CNTN4: variants seen among roughly 807,000 people sequenced by gnomAD.
CNTN4 encodes the protein contactin 4.
In CNTN4, 77 loss-of-function variants were observed where a neutral mutation model predicts 122.5. That is an observed-to-expected ratio of 0.63 (90% CI 0.52 to 0.76). The LOEUF is 0.76. Ranked by LOEUF, CNTN4 falls within the 30% of genes least tolerant of loss-of-function variation. CNTN4 has a pLI of 0.00. For synonymous variants in CNTN4, 512 were observed against 447.0 expected (o/e 1.15, Z -1.83); for missense variants, 1,256 against 1,259.1 (o/e 1.00, Z 0.04).
chr3:2,406,814 A>G (rs2047055573), intron 3 of CNTN4, among the ~76,000 whole-genome samples: 1 of 152,136 alleles, frequency 6.6e-6, no homozygotes, highest in South Asian at 2.1e-4. Flanking sequence ...GTGTGGTTTT[A>G]CCAGTTAAAA....
intron 18 of CNTN4, 37 bp downstream of exon 18, chr3:3,037,365 C>T: frequency 6.2e-7 from 1 of 1,613,832 alleles, no homozygotes. Context: ...TCTGTTCTGC[C>T]AGCTGCTGTT....
intron 2 of CNTN4, among the ~76,000 whole-genome samples, chr3:2,211,158 G>A (rs1032618442): frequency 3.3e-5 from 5 of 152,126 alleles, no homozygotes; most frequent in African/African-American, 4.8e-5. Context: ...GTAGGAGCAG[G>A]CACATCATAT....
chr3:2,587,021 T>C (rs2149617251), intron 4 of CNTN4, among the ~76,000 whole-genome samples: 1 of 152,316 alleles, frequency 6.6e-6, no homozygotes, highest in Non-Finnish European at 1.5e-5. Context: ...TCTTCAAACA[T>C]GCCTTCAAAC....
intron 2 of CNTN4, among the ~76,000 whole-genome samples, chr3:2,169,678 T>A (rs936852891): frequency 6.6e-6 from 1 of 151,954 alleles, no homozygotes; most frequent in African/African-American, 2.4e-5. Context: ...ATTACAGGCG[T>A]GAGCCACCGC....
intron 10 of CNTN4, among the ~76,000 whole-genome samples, chr3:2,892,665 C>A (rs9840440): frequency 0.22 from 33,717 of 152,102 alleles, 4,079 homozygotes; most frequent in Middle Eastern, 0.34. Context: ...GTGTGAACTA[C>A]AAGAGCCTGA....
At chr3:3,049,222 A>G (rs1000620491) in intron 23 of CNTN4, among the ~76,000 whole-genome samples, 16 of 152,144 alleles carry the variant, frequency 1.1e-4, no homozygotes. Context: ...AGCTGAGACT[A>G]CAGGCGCCCA....
At chr3:2,177,524 G>A (rs1285775418) in intron 2 of CNTN4, among the ~76,000 whole-genome samples, 1 of 152,030 alleles carries the variant, frequency 6.6e-6, no homozygotes, top group Admixed American at 6.6e-5. Context: ...CAGCATGCCT[G>A]TGCTGTCTGT....
At chr3:2,649,850 T>G (rs564242215) in intron 4 of CNTN4, among the ~76,000 whole-genome samples, 1 of 151,898 alleles carries the variant, frequency 6.6e-6, no homozygotes, top group Non-Finnish European at 1.5e-5. Context: ...AATTTGTGGC[T>G]GGGCACGGTG....
chr3:2,980,257 T>G (rs548971022), intron 13 of CNTN4, among the ~76,000 whole-genome samples: 1 of 152,204 alleles, frequency 6.6e-6, no homozygotes, highest in Non-Finnish European at 1.5e-5. Context: ...CCTCTTTTCA[T>G]GTAGGGAAAA....
chr3:2,681,183 A>G (rs1415009869), intron 4 of CNTN4, among the ~76,000 whole-genome samples: 1 of 152,204 alleles, frequency 6.6e-6, no homozygotes, highest in Non-Finnish European at 1.5e-5. Context: ...ACAATACATA[A>G]ATATCTAATT....
chr3:2,978,583 T>C (rs1338569351), intron 13 of CNTN4, among the ~76,000 whole-genome samples: 1 of 152,222 alleles, frequency 6.6e-6, no homozygotes, highest in African/African-American at 2.4e-5. Context: ...CATACAATTA[T>C]TAGATTGTTA....
At chr3:2,158,400 C>A (rs1004102672) in intron 2 of CNTN4, among the ~76,000 whole-genome samples, 4 of 152,136 alleles carry the variant, frequency 2.6e-5, no homozygotes, top group African/African-American at 7.2e-5. Flanking sequence ...CAATTTCTTA[C>A]CATATGAATG....
intron 14 of CNTN4, among the ~76,000 whole-genome samples, chr3:2,994,061 C>T (rs1695300866): frequency 6.6e-6 from 1 of 152,098 alleles, no homozygotes; most frequent in Non-Finnish European, 1.5e-5. Context: ...CAGCTGGAAC[C>T]AGAATAGTAA....
chr3:2,213,507 C>A (rs1221652279), intron 2 of CNTN4, among the ~76,000 whole-genome samples: 8 of 152,178 alleles, frequency 5.3e-5, no homozygotes, highest in Admixed American at 3.9e-4. Context: ...GGAATGTGAT[C>A]TACACCTGTA....
intron 23 of CNTN4, among the ~76,000 whole-genome samples, chr3:3,045,849 G>T (rs553364517): frequency 6.6e-6 from 1 of 152,204 alleles, no homozygotes; most frequent in African/African-American, 2.4e-5. Flanking sequence ...GAGGAAGTTC[G>T]AACCCATCCC....
At chr3:2,607,769 A>G (rs2081321952) in intron 4 of CNTN4, among the ~76,000 whole-genome samples, 1 of 152,198 alleles carries the variant, frequency 6.6e-6, no homozygotes. Flanking sequence ...AAAAATAGAT[A>G]CATATGTTTT....
intron 2 of CNTN4, among the ~76,000 whole-genome samples, chr3:2,259,609 G>GA (rs1265402963): frequency 6.6e-6 from 1 of 152,192 alleles, no homozygotes; most frequent in Non-Finnish European, 1.5e-5. Context: ...AGGCAAGAGA[G>GA]AATGAGCGCC....
At chr3:2,627,172 T>A (rs2082223441) in intron 4 of CNTN4, among the ~76,000 whole-genome samples, 1 of 152,166 alleles carries the variant, frequency 6.6e-6, no homozygotes, top group African/African-American at 2.4e-5. Context: ...TGGGACAAAT[T>A]GGTCACCCTA....
chr3:2,149,056 C>G (rs2035380691), intron 2 of CNTN4, among the ~76,000 whole-genome samples: 1 of 151,600 alleles, frequency 6.6e-6, no homozygotes, highest in South Asian at 2.1e-4. Context: ...TTAATTGTAT[C>G]GAGTTTTATA....
Sources: gnomAD v4.1 joint callset for allele counts (sites outside exome capture counted in the v4.1 genomes callset) on GRCh38, gnomAD v4.1.1 for gene constraint, MANE v1.5 for transcripts, NCBI Gene and HGNC (gene_info 2026-07-23, HGNC 2026-07-21) for gene names.